CFAP47: variants seen among roughly 807,000 people sequenced by gnomAD.
CFAP47 encodes the protein cilia- and flagella-associated protein 47.
Under a neutral mutation model 148.1 loss-of-function variants are expected in CFAP47, and 29 were observed. That is an observed-to-expected ratio of 0.20 (90% CI 0.15 to 0.27). The LOEUF (loss-of-function observed/expected upper bound fraction) is 0.27. Ranked by LOEUF, CFAP47 falls within the 10% of genes least tolerant of loss-of-function variation. CFAP47 has a pLI of 1.00. For missense variants in CFAP47, 1,872 were observed against 1,697.5 expected, an observed-to-expected ratio of 1.10 and a Z score of -1.81; for synonymous variants, 664 against 577.3, an observed-to-expected ratio of 1.15 and a Z score of -2.15.
chrX:35,935,563 G>A (rs1441732669), intron 2 of CFAP47, among the ~76,000 whole-genome samples: 2 of 93,847 alleles, frequency 2.1e-5, no homozygotes, highest in Non-Finnish European at 4.0e-5. Flanking sequence ...TGGTTTTTAC[G>A]AAGTTGCTTT....
intron 45 of CFAP47, among the ~76,000 whole-genome samples, chrX:36,209,181 C>A (rs1186712136): frequency 9.0e-6 from 1 of 111,669 alleles, no homozygotes; most frequent in Non-Finnish European, 1.9e-5. Flanking sequence ...TTATTGTTAG[C>A]ATTGCCAAAA....
At chrX:36,012,716 C>T (rs1258245795) in intron 21 of CFAP47, among the ~76,000 whole-genome samples, 3 of 111,288 alleles carry the variant, frequency 2.7e-5, no homozygotes, top group Admixed American at 9.6e-5. Context: ...CTAATGCATG[C>T]GGGGCTTAAA....
At chrX:35,923,581 G>A (rs1163571518) in intron 1 of CFAP47, among the ~76,000 whole-genome samples, 1 of 110,334 alleles carries the variant, frequency 9.1e-6, no homozygotes, top group Non-Finnish European at 1.9e-5. Flanking sequence ...CAGCACTTTG[G>A]GAGGCCGAGG....
At position 36,176,277 on chromosome X, in the gene CFAP47, C is replaced by G. The variant is rs187422638; in HGVS notation, c.6027-3068C>G. ...ACCCATCTTCTGCGTCACTCACGCT[C>G]GGAGCTGTAGACCGGAGCTGTTCCT... On this transcript the variant is annotated intron_variant, in intron 39 of 63. Coordinates refer to ENST00000378653, the MANE Select transcript of CFAP47 (RefSeq NM_001304548.2). Among the ~76,000 whole-genome samples, 480 of 112,307 alleles carry G rather than the reference C, an allele frequency of 4.3e-3. 2 individuals carry two copies. Among genetic ancestry groups the G allele is most frequent in the African/African-American group, 0.013 (403 of 30,938 alleles).
Position 36,031,498 on chromosome X carries a change from C to T in CFAP47, c.3651+151C>T, listed in dbSNP as rs189567018. Among the ~76,000 whole-genome samples the T allele has an allele frequency of 5.6e-3, 612 of 110,019 alleles. 6 individuals carry two copies. Among genetic ancestry groups the T allele is most frequent in the African/African-American group, 0.019 (583 of 30,498 alleles). ...TTTATGCTCTTCGGAGCAAGAATAC[C>T]GGCATTTTTTAGAAAACTTACAGAT... On this transcript the variant is annotated intron_variant, in intron 23 of 63. Coordinates refer to ENST00000378653, the MANE Select transcript of CFAP47 (RefSeq NM_001304548.2).
intron 51 of CFAP47, among the ~76,000 whole-genome samples, chrX:36,288,681 G>C (rs1480183109): frequency 2.7e-5 from 3 of 111,389 alleles, no homozygotes; most frequent in Non-Finnish European, 3.8e-5. Context: ...AAAAGAGAAG[G>C]ACAGTTAAAA....
rs1555991910 is a variant in CFAP47, at chrX:36,228,823, T to C, written c.7013T>C (p.Ile2338Thr). The C allele has an allele frequency of 1.5e-5, 8 of 518,989 alleles. No homozygotes were observed. The highest frequency in any genetic ancestry group is 1.1e-4 in the East Asian group (3 of 27,587). The allele number at this position is 518,989 out of a possible 1,213,427, so 42.8% of individuals were successfully genotyped here. Residue 2338 changes from isoleucine (I) to threonine (T), a missense_variant and splice_region_variant, in exon 46 of 64, where the codon ATA becomes ACA. Transcript: ENST00000378653. ...GAAGCCCTTACTCAGAATATTCCAA[T>C]AGTATGTATAAACTTTTTTGGTACC... ...AFEALTQNIP[I>T]KNQTNDKWTF... is the part of the protein sequence containing the mutation.
chrX:36,257,585 G>A (rs2146927572), intron 49 of CFAP47, among the ~76,000 whole-genome samples: 1 of 109,993 alleles, frequency 9.1e-6, no homozygotes, highest in Non-Finnish European at 1.9e-5. Flanking sequence ...CACCATGCCT[G>A]GCTGTTTTTG....
At chrX:36,157,072 C>T (rs1939376717) in intron 37 of CFAP47, among the ~76,000 whole-genome samples, 1 of 110,106 alleles carries the variant, frequency 9.1e-6, no homozygotes, top group African/African-American at 3.3e-5. Flanking sequence ...TGTCATAAAC[C>T]TTGTTTCTTT....
intron 26 of CFAP47, among the ~76,000 whole-genome samples, chrX:36,049,231 C>CA (rs1937502083): frequency 9.1e-6 from 1 of 109,786 alleles, no homozygotes; most frequent in African/African-American, 3.3e-5. Flanking sequence ...CTAAGGCTCA[C>CA]AGTGTGACCT....
intron 21 of CFAP47, among the ~76,000 whole-genome samples, chrX:36,003,744 A>G (rs1238440292): frequency 2.7e-5 from 3 of 109,474 alleles, no homozygotes; most frequent in African/African-American, 1.0e-4. Flanking sequence ...CACTACTCCT[A>G]TTCAACTTAG....
intron 3 of CFAP47, among the ~76,000 whole-genome samples, chrX:35,943,251 A>G (rs753420057): frequency 1.7e-4 from 19 of 112,087 alleles, no homozygotes; most frequent in Admixed American, 6.6e-4. Flanking sequence ...TTTTTAAAAA[A>G]CATTTTATAT....
At chrX:36,119,530 ATG>A (rs1163278538) in intron 33 of CFAP47, among the ~76,000 whole-genome samples, 1 of 110,957 alleles carries the variant, frequency 9.0e-6, no homozygotes, top group East Asian at 2.8e-4. Context: ...CCTTTTCTTG[ATG>A]TGTCTTTCTC....
rs150104530 is a variant in CFAP47 at position 35,919,897 on chromosome X, G to T, written c.98G>T (p.Ser33Ile). 7.5e-5 allele frequency: 91 copies of T among 1,209,001 alleles called. No individual in the cohort carries two copies. Among genetic ancestry groups the T allele is most frequent in the Non-Finnish European group, 1.0e-4 (90 of 894,888 alleles). ...RGSLVPRDMDSSGRDMQLRVI... is the reference protein window; with the variant it reads ...RGSLVPRDMDISGRDMQLRVI... ...TCCCTCGTCCCCCGGGATATGGATA[G>T]CTCGGGTAGAGACATGCAGCTGCGG... The change falls in exon 1 of 64, where the codon AGC becomes ATC. Residue 33 changes from serine to isoleucine, a missense_variant. Physicochemically the swap from Ser to Ile is moderately radical, Grantham distance 142. Coordinates refer to ENST00000378653, the MANE Select transcript of CFAP47 (RefSeq NM_001304548.2).
chrX:36,101,680 C>T (rs971272076), intron 32 of CFAP47, among the ~76,000 whole-genome samples: 3 of 111,286 alleles, frequency 2.7e-5, no homozygotes, highest in Non-Finnish European at 1.9e-5. Flanking sequence ...AACCATCAGG[C>T]GTCTCTAAAT....
chrX:36,151,733 A>G (rs58682192), intron 37 of CFAP47, among the ~76,000 whole-genome samples: 4,298 of 111,639 alleles, frequency 0.038, 214 homozygotes, highest in African/African-American at 0.13. Flanking sequence ...ATTCAATATA[A>G]TGTTACTTTG....
chrX:36,288,331 T>C (rs1357605026), intron 51 of CFAP47, among the ~76,000 whole-genome samples: 1 of 112,279 alleles, frequency 8.9e-6, no homozygotes, highest in Non-Finnish European at 1.9e-5. Flanking sequence ...ATGTAATAGC[T>C]GCTGTTCCAT....
chrX:36,351,729 G>A (rs956261873), intron 59 of CFAP47, among the ~76,000 whole-genome samples: 5 of 111,640 alleles, frequency 4.5e-5, no homozygotes, highest in Non-Finnish European at 5.7e-5. Flanking sequence ...ACAACCTATC[G>A]CAACATTAAT....
At chrX:36,342,510 T>G (rs1234423631) in intron 57 of CFAP47, among the ~76,000 whole-genome samples, 2 of 111,820 alleles carry the variant, frequency 1.8e-5, no homozygotes, top group Non-Finnish European at 3.8e-5. Flanking sequence ...TACTTACACA[T>G]GAAGTGACAG....
Sources: allele counts gnomAD v4.1 joint callset (sites outside exome capture counted in the v4.1 genomes callset), GRCh38; gene constraint gnomAD v4.1.1; transcripts MANE v1.5; gene names NCBI Gene and HGNC (gene_info 2026-07-23, HGNC 2026-07-21).